Variants in DLGAP2 observed in about 807,000 individuals in gnomAD.
The protein encoded by DLGAP2 is disks large-associated protein 2.
Under a neutral mutation model 100.3 loss-of-function variants are expected in DLGAP2, and 26 were observed. That is an observed-to-expected ratio of 0.26 (90% CI 0.19 to 0.36). The LOEUF (loss-of-function observed/expected upper bound fraction) is 0.36. Ranked by LOEUF, DLGAP2 falls within the 10% of genes least tolerant of loss-of-function variation. The pLI is 1.00. For missense variants in DLGAP2, 1,858 were observed against 1,453.2 expected (o/e 1.28, Z -4.53); for synonymous variants, 886 against 630.1 (o/e 1.41, Z -6.08).
chr8:999,053 C>G (rs1169719409), intron 2 of DLGAP2, among the ~76,000 whole-genome samples: 1 of 152,156 alleles, frequency 6.6e-6, no homozygotes, highest in African/African-American at 2.4e-5. Context: ...GCTTCTTCCT[C>G]CATGCTGTGC....
chr8:1,544,482 G>C (rs1465538903), intron 4 of DLGAP2, among the ~76,000 whole-genome samples: 1 of 152,044 alleles, frequency 6.6e-6, no homozygotes, highest in African/African-American at 2.4e-5. Flanking sequence ...TATCATGTTG[G>C]GGAAGTTCCC....
At chr8:1,266,176 C>T (rs146514601) in intron 3 of DLGAP2, among the ~76,000 whole-genome samples, 1 of 152,228 alleles carries the variant, frequency 6.6e-6, no homozygotes, top group Non-Finnish European at 1.5e-5. Flanking sequence ...CCAACAGGGA[C>T]GCTGTCTACT....
At chr8:1,671,126 G>T (rs1003438750) in intron 10 of DLGAP2, among the ~76,000 whole-genome samples, 1 of 152,228 alleles carries the variant, frequency 6.6e-6, no homozygotes, top group South Asian at 2.1e-4. Flanking sequence ...AAGGGCTCAC[G>T]GCCAAGGCCA....
At chr8:1,178,502 C>G (rs766689085) in intron 2 of DLGAP2, among the ~76,000 whole-genome samples, 1 of 152,118 alleles carries the variant, frequency 6.6e-6, no homozygotes, top group Admixed American at 6.5e-5. Context: ...ACATAAATAT[C>G]AAGTAACGTT....
chr8:1,351,104 G>T (rs1329176549), intron 3 of DLGAP2, among the ~76,000 whole-genome samples: 1 of 11,296 alleles, frequency 8.9e-5, no homozygotes, highest in Non-Finnish European at 1.4e-4. Flanking sequence ...CTGACTGTGT[G>T]TGGAAAGGCC....
intron 2 of DLGAP2, among the ~76,000 whole-genome samples, chr8:1,122,046 C>T (rs1162327146): frequency 6.6e-6 from 1 of 152,142 alleles, no homozygotes; most frequent in Non-Finnish European, 1.5e-5. Context: ...AGTGCATTTG[C>T]CCCTCGTGGT....
chr8:852,273 G>C (rs1258705656), intron 1 of DLGAP2, among the ~76,000 whole-genome samples: 1 of 152,178 alleles, frequency 6.6e-6, no homozygotes. Context: ...CCTGCACGTG[G>C]ATCTGGAGGC....
intron 6 of DLGAP2, among the ~76,000 whole-genome samples, chr8:1,567,964 C>T (rs1324234666): frequency 6.6e-6 from 1 of 152,230 alleles, no homozygotes; most frequent in Non-Finnish European, 1.5e-5. Flanking sequence ...GTGCTGCCTA[C>T]GTTACTCCTG....
chr8:1,414,473 C>G (rs890470685), intron 3 of DLGAP2, among the ~76,000 whole-genome samples: 1 of 152,172 alleles, frequency 6.6e-6, no homozygotes, highest in Admixed American at 6.5e-5. Context: ...AGGGACTGAC[C>G]AGGCCGGGGG....
At chr8:1,095,995 T>C (rs1036576043) in intron 2 of DLGAP2, among the ~76,000 whole-genome samples, 5 of 152,164 alleles carry the variant, frequency 3.3e-5, no homozygotes, top group African/African-American at 1.2e-4. Flanking sequence ...TTAATGATTT[T>C]TTTAAGGAAT....
At chr8:1,577,353 G>C (rs1803024619) in intron 6 of DLGAP2, among the ~76,000 whole-genome samples, 1 of 152,160 alleles carries the variant, frequency 6.6e-6, no homozygotes, top group Non-Finnish European at 1.5e-5. Flanking sequence ...CAGATCAACT[G>C]AGGTCAGGAG....
At chr8:1,440,715 CTT>C (rs1445926489) in intron 3 of DLGAP2, among the ~76,000 whole-genome samples, 1 of 152,214 alleles carries the variant, frequency 6.6e-6, no homozygotes, top group Non-Finnish European at 1.5e-5. Flanking sequence ...CTTGGTGTCT[CTT>C]TACAGAGAAG....
chr8:1,315,219 G>C (rs535499252), intron 3 of DLGAP2, among the ~76,000 whole-genome samples: 183 of 152,182 alleles, frequency 1.2e-3, no homozygotes, highest in Non-Finnish European at 1.8e-3. Context: ...AAAATAGAGC[G>C]TGTGCAAGTA....
intron 3 of DLGAP2, among the ~76,000 whole-genome samples, chr8:1,356,743 A>G (rs988038456): frequency 6.6e-6 from 1 of 152,228 alleles, no homozygotes; most frequent in Non-Finnish European, 1.5e-5. Flanking sequence ...AAGGCCAAGT[A>G]TGGATGAAAA....
rs190940214 is a variant in DLGAP2, at chr8:1,705,239, C to A, written c.*3833C>A. 6.6e-6 allele frequency: 1 copy of A among 152,342 alleles called. No individual in the cohort carries two copies. Among genetic ancestry groups the A allele is most frequent in the African/African-American group, 2.4e-5 (1 of 41,560 alleles). 9.4% of individuals were successfully genotyped at this position (152,342 alleles called of 1,614,324 possible). A position where few individuals can be genotyped will look rare whatever the true frequency, so the allele number is the denominator to read the frequency against. The stretch of plus-strand genomic sequence containing the variant: ...TCTCCCTCAGGAAGGCCTTTTCTAT[C>A]GGCAGCAATTCCATCAAGCCAAGCC... On this transcript the variant is annotated 3_prime_UTR_variant, in exon 15 of 15. Coordinates refer to ENST00000637795, the MANE Select transcript of DLGAP2 (RefSeq NM_001346810.2).
intron 8 of DLGAP2, among the ~76,000 whole-genome samples, chr8:1,645,327 A>G (rs549795791): frequency 2.0e-5 from 3 of 152,346 alleles, no homozygotes; most frequent in South Asian, 2.1e-4. Flanking sequence ...ATTCGAGGAG[A>G]TAGTCAACAC....
intron 2 of DLGAP2, among the ~76,000 whole-genome samples, chr8:1,187,546 C>A (rs191012782): frequency 1.3e-5 from 2 of 149,178 alleles, no homozygotes; most frequent in Admixed American, 6.6e-5. Flanking sequence ...CCCGGGACCT[C>A]CGTGACGTTT....
chr8:892,623 C>T (rs1177125180), intron 1 of DLGAP2, among the ~76,000 whole-genome samples: 4 of 152,294 alleles, frequency 2.6e-5, no homozygotes, highest in Middle Eastern at 3.4e-3. Context: ...AGCTGCGTGG[C>T]TTCCCTGGGT....
chr8:1,202,029 G>A (rs1797887522), intron 2 of DLGAP2, among the ~76,000 whole-genome samples: 1 of 148,228 alleles, frequency 6.7e-6, no homozygotes, highest in Non-Finnish European at 1.5e-5. Context: ...ATGTACATGT[G>A]TGCACATGTG....
Sources: allele counts gnomAD v4.1 joint callset (sites outside exome capture counted in the v4.1 genomes callset), GRCh38; gene constraint gnomAD v4.1.1; transcripts MANE v1.5; gene names NCBI Gene and HGNC (gene_info 2026-07-23, HGNC 2026-07-21).